PEAK1: variants seen among roughly 807,000 people sequenced by gnomAD.
PEAK1 encodes inactive tyrosine-protein kinase PEAK1.
A neutral mutation model predicts 124.7 loss-of-function variants in PEAK1; 54 were observed. The ratio of observed to expected loss-of-function variants is 0.43; its 90% confidence interval spans 0.35 to 0.54. The LOEUF (loss-of-function observed/expected upper bound fraction) is 0.54. Among genes scored for constraint, PEAK1 ranks in the 20% least tolerant of loss-of-function variants. PEAK1 has a pLI of 0.01. For synonymous variants in PEAK1, 719 were observed against 760.0 expected, an observed-to-expected ratio of 0.95 and a Z score of 0.89; for missense variants, 2,046 against 2,134.5, an observed-to-expected ratio of 0.96 and a Z score of 0.82.
chr15:77,105,357 T>TGTGCGCGCGC (rs1555407960), downstream of PEAK1: 3 of 85,348 alleles, frequency 3.5e-5, no homozygotes, highest in Admixed American at 1.1e-4. Context: ...TGTGTGTGTG[T>TGTGCGCGCGC]GCGCGCGTGC....
rs1420708230 is a variant in PEAK1 at position 77,108,579 on chromosome 15, G to A, written c.*5577C>T. Reference sequence around the variant, plus strand: ...CAAGTAGTATTTGGAGCAAGTTCCTGAAACAGTGTGGTTTAACCTTTCAAA... The same window carrying A: ...CAAGTAGTATTTGGAGCAAGTTCCTAAAACAGTGTGGTTTAACCTTTCAAA... On this transcript the variant is annotated 3_prime_UTR_variant, in exon 10 of 10. Transcript: ENST00000682557. 1 of 152,208 alleles carries A rather than the reference G, an allele frequency of 6.6e-6. No individual in the cohort carries two copies. The highest frequency in any genetic ancestry group is 1.5e-5 in the Non-Finnish European group (1 of 68,034). The allele number at this position is 152,208 out of a possible 1,614,324, so 9.4% of individuals were successfully genotyped here.
chr15:77,223,190 T>C (rs936969896), intron 6 of PEAK1, among the ~76,000 whole-genome samples: 14 of 152,070 alleles, frequency 9.2e-5, no homozygotes, highest in African/African-American at 3.4e-4. Context: ...ATTTCCCTCA[T>C]TTGATTAATA....
chr15:77,405,361 G>A (rs12912084), intron 1 of PEAK1, among the ~76,000 whole-genome samples: 54,860 of 151,890 alleles, frequency 0.36, 10,056 homozygotes, highest in Non-Finnish European at 0.38. Context: ...GGAGAAGGGC[G>A]TTACATTATT....
chr15:77,135,386 A>G (rs529377789), intron 8 of PEAK1, among the ~76,000 whole-genome samples: 3 of 152,296 alleles, frequency 2.0e-5, no homozygotes, highest in African/African-American at 7.2e-5. Context: ...ATAAGTTCTG[A>G]GAGAGTTAGG....
At chr15:77,402,357 T>C (rs2071445771) in intron 1 of PEAK1, 1 of 985,176 alleles carries the variant, frequency 1.0e-6, no homozygotes, top group Admixed American at 6.2e-5. Flanking sequence ...AAGAGGCAAG[T>C]TCCTTCTTCT....
At chr15:77,259,539 A>G (rs1359198626) in intron 5 of PEAK1, among the ~76,000 whole-genome samples, 13 of 152,204 alleles carry the variant, frequency 8.5e-5, no homozygotes, top group Admixed American at 6.5e-4. Context: ...GATAAGTGTT[A>G]GGAAACAATT....
intron 2 of PEAK1, chr15:77,350,591 T>C (rs1004850996): frequency 5.1e-6 from 5 of 975,584 alleles, no homozygotes; most frequent in Admixed American, 6.2e-5. Flanking sequence ...AGTAAGTATA[T>C]GTGTGTTAGA....
chr15:77,286,059 T>A (rs2062915741), intron 3 of PEAK1, among the ~76,000 whole-genome samples: 1 of 152,224 alleles, frequency 6.6e-6, no homozygotes, highest in Admixed American at 6.5e-5. Context: ...GTTGTATCTT[T>A]GTTCTCAAAG....
intron 1 of PEAK1, chr15:77,371,338 G>T: frequency 1.1e-6 from 1 of 911,362 alleles, no homozygotes; most frequent in Non-Finnish European, 1.3e-6. Flanking sequence ...CTTTAATTAT[G>T]CAGTATAATA....
At chr15:77,151,751 C>A (rs1439721035) in intron 8 of PEAK1, among the ~76,000 whole-genome samples, 1 of 152,136 alleles carries the variant, frequency 6.6e-6, no homozygotes, top group Non-Finnish European at 1.5e-5. Flanking sequence ...TTCCCAGCAC[C>A]ATTTATTAAA....
At chr15:77,342,028 ACATTG>A (rs1413125550) in intron 2 of PEAK1, among the ~76,000 whole-genome samples, 1 of 152,056 alleles carries the variant, frequency 6.6e-6, no homozygotes, top group Non-Finnish European at 1.5e-5. Context: ...GCATTAAGTT[ACATTG>A]ATTTAAAGGA....
At chr15:77,167,123 A>G (rs1345133571) in intron 7 of PEAK1, among the ~76,000 whole-genome samples, 2 of 152,234 alleles carry the variant, frequency 1.3e-5, no homozygotes, top group African/African-American at 4.8e-5. Flanking sequence ...TAAGTATACA[A>G]GCAGCAAGGT....
At chr15:77,314,947 C>G (rs980845905) in intron 2 of PEAK1, among the ~76,000 whole-genome samples, 137 of 152,222 alleles carry the variant, frequency 9.0e-4, no homozygotes, top group African/African-American at 3.2e-3. Flanking sequence ...CCTACTGGCA[C>G]TCTGCTCACT....
At chr15:77,345,957 G>A in intron 2 of PEAK1, 1 of 985,288 alleles carries the variant, frequency 1.0e-6, no homozygotes, top group Non-Finnish European at 1.2e-6. Context: ...AATGGCAAAG[G>A]TCTATCATGG....
At chr15:77,299,438 GATC>G (rs1013264759) in intron 2 of PEAK1, among the ~76,000 whole-genome samples, 2 of 151,922 alleles carry the variant, frequency 1.3e-5, no homozygotes, top group African/African-American at 4.8e-5. Flanking sequence ...ACCATAATAC[GATC>G]ATCAAAATTG....
At chr15:77,241,029 G>T (rs926131837) in intron 6 of PEAK1, among the ~76,000 whole-genome samples, 2 of 151,752 alleles carry the variant, frequency 1.3e-5, no homozygotes, top group African/African-American at 4.8e-5. Context: ...TTTAAAAGAG[G>T]CAAAACAGTA....
intron 7 of PEAK1, among the ~76,000 whole-genome samples, chr15:77,163,348 T>C (rs1435506439): frequency 6.6e-6 from 1 of 152,238 alleles, no homozygotes; most frequent in Non-Finnish European, 1.5e-5. Context: ...AAGGAAATAG[T>C]TACATTGTTA....
intron 7 of PEAK1, among the ~76,000 whole-genome samples, chr15:77,174,344 A>G (rs1337580919): frequency 2.0e-4 from 31 of 152,144 alleles, no homozygotes; most frequent in Non-Finnish European, 1.5e-5. Context: ...ATTTATAGAA[A>G]AACTGTATTT....
At chr15:77,209,542 G>A (rs935611180) in intron 6 of PEAK1, among the ~76,000 whole-genome samples, 4 of 152,194 alleles carry the variant, frequency 2.6e-5, no homozygotes, top group Non-Finnish European at 5.9e-5. Flanking sequence ...TGATACAGCA[G>A]AGAACTTTCT....
Sources: gnomAD v4.1 joint callset for allele counts (sites outside exome capture counted in the v4.1 genomes callset) on GRCh38, gnomAD v4.1.1 for gene constraint, MANE v1.5 for transcripts, NCBI Gene and HGNC (gene_info 2026-07-23, HGNC 2026-07-21) for gene names.